Variants in RPS6KA5 observed in about 807,000 individuals in gnomAD.
RPS6KA5 encodes the protein ribosomal protein S6 kinase A5.
In RPS6KA5, 27 loss-of-function variants were observed where a neutral mutation model predicts 85.5. The observed-to-expected ratio is 0.32, with a 90% CI of 0.23 to 0.44. The LOEUF is 0.44. Among genes scored for constraint, RPS6KA5 ranks in the 20% least tolerant of loss-of-function variants. RPS6KA5 has a pLI of 1.00. For synonymous variants in RPS6KA5, 334 were observed against 348.2 expected, an observed-to-expected ratio of 0.96 and a Z score of 0.46; for missense variants, 811 against 980.9, an observed-to-expected ratio of 0.83 and a Z score of 2.31.
chr14:90,937,121 G>C (rs2037301239), intron 5 of RPS6KA5, among the ~76,000 whole-genome samples: 1 of 152,076 alleles, frequency 6.6e-6, no homozygotes, highest in Admixed American at 6.5e-5. Context: ...CAGTGAGAGA[G>C]AGAAGGAAAG....
intron 2 of RPS6KA5, 125 bp downstream of exon 2, chr14:91,000,963 C>T: frequency 1.7e-6 from 1 of 573,406 alleles, no homozygotes. Flanking sequence ...TGTTCTTTGA[C>T]AGTTCTCCTA....
chr14:90,997,268 T>A (rs1453248500), intron 2 of RPS6KA5, among the ~76,000 whole-genome samples: 2 of 152,250 alleles, frequency 1.3e-5, no homozygotes, highest in Admixed American at 6.5e-5. Context: ...TAGAACCTTG[T>A]ATTCAAAATA....
At chr14:90,878,817 G>A (rs1479409702) in intron 14 of RPS6KA5, among the ~76,000 whole-genome samples, 3 of 152,180 alleles carry the variant, frequency 2.0e-5, no homozygotes, top group African/African-American at 7.2e-5. Context: ...ACTGCTCTAA[G>A]AAATTTATCA....
chr14:90,903,593 C>G (rs2035313703), intron 8 of RPS6KA5, among the ~76,000 whole-genome samples: 1 of 152,234 alleles, frequency 6.6e-6, no homozygotes, highest in Admixed American at 6.5e-5. Flanking sequence ...TTATGTCCCC[C>G]ATAGAATAAT....
intron 1 of RPS6KA5, among the ~76,000 whole-genome samples, chr14:91,037,296 C>T (rs2042444222): frequency 6.6e-6 from 1 of 152,138 alleles, no homozygotes; most frequent in Admixed American, 6.5e-5. Flanking sequence ...TCTTTCTTGC[C>T]CCATGACCTA....
intron 2 of RPS6KA5, 39 bp from the exon 3 acceptor site, chr14:90,978,563 T>C (rs775064870): frequency 6.8e-7 from 1 of 1,462,226 alleles, no homozygotes; most frequent in Middle Eastern, 1.8e-4. Flanking sequence ...ATTAAAATGC[T>C]ACACAGGCAA....
At chr14:91,051,662 T>C (rs934542050) in intron 1 of RPS6KA5, among the ~76,000 whole-genome samples, 6 of 152,038 alleles carry the variant, frequency 3.9e-5, no homozygotes, top group Non-Finnish European at 7.4e-5. Flanking sequence ...TAAGTTTTTG[T>C]ATTTTTACTA....
In RPS6KA5 at chr14:90,849,273, C is replaced by A. The variant is rs2031868221; in HGVS notation, c.*22801G>T. On this transcript the variant is annotated 3_prime_UTR_variant, in exon 17 of 17. Transcript: ENST00000614987. The stretch of plus-strand genomic sequence containing the variant: ...GTTACAAGGCCACCTTCGCAACCAG[C>A]CCTTTGAAACTGGAAACAAAGTTTT... 1 of 152,198 alleles carries A rather than the reference C, an allele frequency of 6.6e-6. No homozygotes were observed. The highest frequency in any genetic ancestry group is 2.4e-5 in the African/African-American group (1 of 41,436). The allele number at this position is 152,198 out of a possible 1,614,324, so 9.4% of individuals were successfully genotyped here.
In RPS6KA5 at chr14:90,853,926, TG is replaced by T. The variant is rs1310494772; in HGVS notation, c.*18147del. Reference sequence around the variant, plus strand: ...TAATCATTTGTACCAGAGAAAACTCTGTATATACCAGTACAGGTGGGGGATT... The same window carrying T: ...TAATCATTTGTACCAGAGAAAACTCTTATATACCAGTACAGGTGGGGGATT... On this transcript the variant is annotated 3_prime_UTR_variant, in exon 17 of 17. Coordinates refer to ENST00000614987, the MANE Select transcript of RPS6KA5 (RefSeq NM_004755.4). The T allele has an allele frequency of 2.0e-5, 3 of 152,184 alleles. No homozygotes were observed. The highest frequency in any genetic ancestry group is 2.9e-5 in the Non-Finnish European group (2 of 68,024). The allele number at this position is 152,184 out of a possible 1,614,324, so 9.4% of individuals were successfully genotyped here.
At chr14:90,964,739 C>T (rs1595355015) in intron 3 of RPS6KA5, among the ~76,000 whole-genome samples, 1 of 151,714 alleles carries the variant, frequency 6.6e-6, no homozygotes, top group Admixed American at 6.6e-5. Flanking sequence ...CATAGTGAGG[C>T]TCTGACTTTG....
chr14:91,051,045 T>G (rs907835046), intron 1 of RPS6KA5, among the ~76,000 whole-genome samples: 2 of 151,860 alleles, frequency 1.3e-5, no homozygotes, highest in Non-Finnish European at 2.9e-5. Context: ...CTGGCCAACA[T>G]AGCGAAACCC....
intron 7 of RPS6KA5, among the ~76,000 whole-genome samples, 199 bp downstream of exon 7, chr14:90,920,007 C>T (rs73324666): frequency 0.04 from 6,026 of 152,200 alleles, 373 homozygotes; most frequent in African/African-American, 0.14. Context: ...TCAGATTCAA[C>T]TGGGCACATA....
At chr14:90,960,091 T>C (rs781225750) in intron 3 of RPS6KA5, among the ~76,000 whole-genome samples, 1 of 152,250 alleles carries the variant, frequency 6.6e-6, no homozygotes, top group South Asian at 2.1e-4. Flanking sequence ...GGCTTAACTA[T>C]CCTAGAGATT....
In RPS6KA5 at chr14:90,906,131, T is replaced by G. The variant is rs2035487357; in HGVS notation, c.957+18A>C. ...ACGGCAAGGAGTATGAAACCATTTATCTATTCAATAATTTCACCTGAAAGA... is the reference window on the plus strand; with the variant it reads ...ACGGCAAGGAGTATGAAACCATTTAGCTATTCAATAATTTCACCTGAAAGA... On this transcript the variant is annotated intron_variant, in intron 8 of 16. Coordinates refer to ENST00000614987, the MANE Select transcript of RPS6KA5 (RefSeq NM_004755.4). 1 of 1,580,704 alleles carries G rather than the reference T, an allele frequency of 6.3e-7. No individual in the cohort carries two copies. The highest frequency in any genetic ancestry group is 8.6e-7 in the Non-Finnish European group (1 of 1,156,102).
At chr14:91,022,380 G>A (rs2041822045) in intron 1 of RPS6KA5, among the ~76,000 whole-genome samples, 1 of 152,204 alleles carries the variant, frequency 6.6e-6, no homozygotes, top group Admixed American at 6.5e-5. Context: ...TAATGTCCAT[G>A]TCTCTACCTA....
chr14:90,877,837 C>T (rs563873771), intron 14 of RPS6KA5, among the ~76,000 whole-genome samples: 1 of 152,320 alleles, frequency 6.6e-6, no homozygotes, highest in Admixed American at 6.5e-5. Context: ...GGGCAAATTC[C>T]TTAACTTCTC....
rs2032626693 is a variant in RPS6KA5 at position 90,862,856 on chromosome 14, G to T, written c.*9218C>A. ...GAAAAGGGCAATACATCATGAAAAT[G>T]GAATTTATTCTATTTTCAGCATTTG... On this transcript the variant is annotated 3_prime_UTR_variant, in exon 17 of 17. Coordinates refer to ENST00000614987, the MANE Select transcript of RPS6KA5 (RefSeq NM_004755.4). 1 of 151,264 alleles carries T rather than the reference G, an allele frequency of 6.6e-6. No homozygotes were observed. Among genetic ancestry groups the T allele is most frequent in the African/African-American group, 2.4e-5 (1 of 40,982 alleles). The allele number at this position is 151,264 out of a possible 1,614,324, so 9.4% of individuals were successfully genotyped here. A position where few individuals can be genotyped will look rare whatever the true frequency, so the allele number is the denominator to read the frequency against.
chr14:90,917,733 C>T (rs1595210328), intron 7 of RPS6KA5, among the ~76,000 whole-genome samples: 1 of 151,128 alleles, frequency 6.6e-6, no homozygotes, highest in African/African-American at 2.4e-5. Flanking sequence ...CAAATCATTC[C>T]TTTTTTTTAA....
Position 90,855,311 on chromosome 14 carries a change from T to G in RPS6KA5, c.*16763A>C, listed in dbSNP as rs2032218651. 1 of 152,232 alleles carries G rather than the reference T, an allele frequency of 6.6e-6. No homozygotes were observed. The highest frequency in any genetic ancestry group is 2.1e-4 in the South Asian group (1 of 4,834). 9.4% of individuals were successfully genotyped at this position (152,232 alleles called of 1,614,324 possible). A position where few individuals can be genotyped will look rare whatever the true frequency, so the allele number is the denominator to read the frequency against. ...ATAAATGACTTTCTGAATAAATATT[T>G]CAGCTAACTGCACAAATGAGCCTGC... On this transcript the variant is annotated 3_prime_UTR_variant, in exon 17 of 17. Transcript: ENST00000614987.
Sources: gnomAD v4.1 joint callset for allele counts (sites outside exome capture counted in the v4.1 genomes callset) on GRCh38, gnomAD v4.1.1 for gene constraint, MANE v1.5 for transcripts, NCBI Gene and HGNC (gene_info 2026-07-23, HGNC 2026-07-21) for gene names.